Variants in NOL4L observed in about 807,000 individuals in gnomAD.
NOL4L encodes nucleolar protein 4-like.
Under a neutral mutation model 64.5 loss-of-function variants are expected in NOL4L, and 7 were observed. The ratio of observed to expected loss-of-function variants is 0.11; its 90% CI spans 0.06 to 0.20. The LOEUF is 0.20. Ranked by LOEUF, NOL4L falls within the 10% of genes least tolerant of loss-of-function variation. The pLI is 1.00. For missense variants in NOL4L, 680 were observed against 967.1 expected (o/e 0.70, Z 3.94); for synonymous variants, 413 against 401.0 (o/e 1.03, Z -0.36).
chr20:32,536,526 CAGG>C (rs2018531202), intron 1 of NOL4L: 2 of 116,014 alleles, frequency 1.7e-5, no homozygotes, highest in African/African-American at 6.8e-5. Context: ...CTTCACGGCG[CAGG>C]CGCGTGCGCC....
rs1568649346 is a variant in NOL4L at position 32,488,860 on chromosome 20, TTTCTTTCTTTCTTTC to T, written c.700-14133_700-14119del. ...CTTTCTTTCTTTCTTTCTTTCTTTC[TTTCTTTCTTTCTTTC>T]TTTCTTTCTTTCTTTCTTTCCTCTC... On this transcript the variant is annotated intron_variant, in intron 4 of 10. Coordinates refer to ENST00000621426, the MANE Select transcript of NOL4L (RefSeq NM_001256798.2). Among the ~76,000 whole-genome samples, 36 of 103,706 alleles carry T rather than the reference TTTCTTTCTTTCTTTC, an allele frequency of 3.5e-4. 1 individual carries two copies. In the South Asian group the frequency reaches 0.01, roughly 29 times the overall value. 68.0% of individuals were successfully genotyped at this position (103,706 alleles called of 152,430 possible). A position where few individuals can be genotyped will look rare whatever the true frequency, so the allele number is the denominator to read the frequency against.
intron 1 of NOL4L, among the ~76,000 whole-genome samples, chr20:32,531,858 C>G (rs949796232): frequency 1.3e-5 from 2 of 152,132 alleles, no homozygotes; most frequent in African/African-American, 4.8e-5. Context: ...TCTGACGCGT[C>G]CAGAGGGGAC....
chr20:32,523,403 C>T (rs1303471776), intron 2 of NOL4L, among the ~76,000 whole-genome samples: 2 of 152,160 alleles, frequency 1.3e-5, no homozygotes, highest in Non-Finnish European at 2.9e-5. Flanking sequence ...CAAACCCTCC[C>T]CCTGCAACCT....
At chr20:32,569,158 G>A (rs958243526) in intron 1 of NOL4L, among the ~76,000 whole-genome samples, 2 of 152,080 alleles carry the variant, frequency 1.3e-5, no homozygotes, top group African/African-American at 2.4e-5. Flanking sequence ...AGGAACCAAC[G>A]ACATTTTGAA....
chr20:32,461,226 G>C (rs550273430), intron 5 of NOL4L, among the ~76,000 whole-genome samples: 2 of 152,176 alleles, frequency 1.3e-5, no homozygotes, highest in South Asian at 4.1e-4. Flanking sequence ...CCCTTCCAGC[G>C]AGCCCCTATG....
At chr20:32,583,724 C>G (rs1254718811) in intron 1 of NOL4L, among the ~76,000 whole-genome samples, 2 of 149,024 alleles carry the variant, frequency 1.3e-5, no homozygotes, top group Non-Finnish European at 3.0e-5. Context: ...CGCACGCCCT[C>G]TCCAGGGCGC....
intron 6 of NOL4L, among the ~76,000 whole-genome samples, chr20:32,454,313 A>G (rs1468781727): frequency 6.6e-6 from 1 of 152,240 alleles, no homozygotes; most frequent in Admixed American, 6.5e-5. Context: ...AGGTCCGTTC[A>G]GCAGGATGCG....
At chr20:32,535,495 C>T in intron 1 of NOL4L, 1 of 757,020 alleles carries the variant, frequency 1.3e-6, no homozygotes, top group Non-Finnish European at 1.6e-6. Flanking sequence ...CTGCCGCCGC[C>T]ACCGCCACCA....
chr20:32,534,657 A>C (rs2018452367), intron 1 of NOL4L, among the ~76,000 whole-genome samples: 1 of 151,928 alleles, frequency 6.6e-6, no homozygotes, highest in South Asian at 2.1e-4. Flanking sequence ...GTTCAAGACC[A>C]GCCTGGGCAA....
At chr20:32,559,137 A>G (rs911529) in intron 1 of NOL4L, among the ~76,000 whole-genome samples, 40,563 of 151,842 alleles carry the variant, frequency 0.27, 6,797 homozygotes, top group East Asian at 0.76. Flanking sequence ...GGCATCCCCC[A>G]CGGGACTACC....
intron 6 of NOL4L, among the ~76,000 whole-genome samples, chr20:32,454,833 C>T (rs1251486550): frequency 6.6e-6 from 1 of 152,224 alleles, no homozygotes; most frequent in Non-Finnish European, 1.5e-5. Context: ...GGCCATGGCA[C>T]AGCCCGGAAG....
Position 32,492,631 on chromosome 20 carries a change from G to T in NOL4L, c.700-17889C>A, listed in dbSNP as rs145002904. On this transcript the variant is annotated intron_variant, in intron 4 of 10. Transcript: ENST00000621426. Reference sequence around the variant, plus strand: ...CCAGGTCAGCTTCCATGGCTAAGCAGCCTGGAGCTCGCTGTAGTCGATTAC... The same window carrying T: ...CCAGGTCAGCTTCCATGGCTAAGCATCCTGGAGCTCGCTGTAGTCGATTAC... Among the ~76,000 whole-genome samples the T allele has an allele frequency of 2.6e-3, 401 of 152,346 alleles. 3 individuals are homozygous for T. Among genetic ancestry groups the T allele is most frequent in the Non-Finnish European group, 1.2e-3 (80 of 68,030 alleles).
chr20:32,584,774 G>A lies in NOL4L; in HGVS notation c.117C>T (p.Ala39=). 1 of 1,542,812 alleles carries A rather than the reference G, an allele frequency of 6.5e-7. No homozygotes were observed. Among genetic ancestry groups the A allele is most frequent in the East Asian group, 2.5e-5 (1 of 40,690 alleles). The change falls in exon 1 of 11, where the codon GCC becomes GCT. Residue 39 remains alanine, a synonymous_variant. Transcript: ENST00000621426. ...TGCTGCGTGTCACCGTCTTGGTTTT[G>A]GCCGAGTCGCCGTAGGTGCGCAAGC... is the stretch of plus-strand genomic sequence containing the variant. ...DWCLRTYGDS[A]KTKTVTRSKY...
At chr20:32,476,181 G>A (rs1005944028) in intron 4 of NOL4L, among the ~76,000 whole-genome samples, 9 of 139,978 alleles carry the variant, frequency 6.4e-5, no homozygotes, top group South Asian at 2.3e-4. Flanking sequence ...GTGAAAACTC[G>A]CTCACACACC....
intron 4 of NOL4L, among the ~76,000 whole-genome samples, chr20:32,495,384 C>T (rs1329329954): frequency 2.0e-5 from 3 of 152,152 alleles, no homozygotes; most frequent in African/African-American, 7.2e-5. Context: ...TGACTATCTT[C>T]GGCACCGCAA....
chr20:32,467,613 A>G, intron 5 of NOL4L, among the ~76,000 whole-genome samples: 1 of 152,172 alleles, frequency 6.6e-6, no homozygotes, highest in Non-Finnish European at 1.5e-5. Context: ...CGCAGGGCTC[A>G]GAGAATCTGG....
At chr20:32,497,251 C>A in intron 4 of NOL4L, among the ~76,000 whole-genome samples, 1 of 149,276 alleles carries the variant, frequency 6.7e-6, no homozygotes, top group East Asian at 2.0e-4. Context: ...CCACCCGCCC[C>A]ATGGAGTCAG....
intron 1 of NOL4L, among the ~76,000 whole-genome samples, chr20:32,584,260 G>A (rs1980740748): frequency 6.6e-6 from 1 of 151,066 alleles, no homozygotes; most frequent in Non-Finnish European, 1.5e-5. Flanking sequence ...CAGAGCAGCC[G>A]CCTGCTGGCG....
intron 3 of NOL4L, chr20:32,519,823 T>C (rs920661701): frequency 2.6e-5 from 4 of 152,228 alleles, no homozygotes; most frequent in African/African-American, 9.7e-5. Context: ...TTTTATTGTT[T>C]TTTGAGATGG....
Sources: allele counts gnomAD v4.1 joint callset (sites outside exome capture counted in the v4.1 genomes callset), GRCh38; gene constraint gnomAD v4.1.1; transcripts MANE v1.5; gene names NCBI Gene and HGNC (gene_info 2026-07-23, HGNC 2026-07-21).